OXR1: variants seen among roughly 807,000 people sequenced by gnomAD.
The protein encoded by OXR1 is oxidation resistance 1, also known as oxidation resistance protein 1.
In OXR1, 41 loss-of-function variants were observed where a neutral mutation model predicts 104.6. The ratio of observed to expected loss-of-function variants is 0.39; its 90% CI spans 0.31 to 0.51. The LOEUF is 0.51. Among genes scored for constraint, OXR1 ranks in the 20% least tolerant of loss-of-function variants. OXR1 has a pLI of 0.77. For synonymous variants in OXR1, 348 were observed against 348.4 expected (o/e 1.00, Z 0.01); for missense variants, 955 against 1,031.9 (o/e 0.93, Z 1.02).
At chr8:106,731,464 G>A (rs1333126479) in intron 11 of OXR1, among the ~76,000 whole-genome samples, 3 of 152,026 alleles carry the variant, frequency 2.0e-5, no homozygotes, top group African/African-American at 7.2e-5. Context: ...TGTACTTGTG[G>A]TATTTTATCT....
intron 3 of OXR1, among the ~76,000 whole-genome samples, chr8:106,525,180 C>T (rs1393951541): frequency 1.3e-5 from 2 of 152,224 alleles, no homozygotes; most frequent in Non-Finnish European, 2.9e-5. Context: ...AGGGAGTCTG[C>T]TCAGAATTCA....
At chr8:106,448,005 C>T in intron 2 of OXR1, 1 of 1,528,588 alleles carries the variant, frequency 6.5e-7, no homozygotes, top group Non-Finnish European at 8.7e-7. Flanking sequence ...ATAAGGTTGC[C>T]TGCCTGCCTG....
chr8:106,418,317 T>C (rs569946520), intron 2 of OXR1, among the ~76,000 whole-genome samples: 1 of 152,216 alleles, frequency 6.6e-6, no homozygotes, highest in South Asian at 2.1e-4. Flanking sequence ...CATTTGCAAG[T>C]ATACTAATAT....
At chr8:106,274,589 C>T (rs1183032633) in intron 1 of OXR1, among the ~76,000 whole-genome samples, 1 of 143,528 alleles carries the variant, frequency 7.0e-6, no homozygotes, top group East Asian at 2.2e-4. Context: ...TCTGGGGCAC[C>T]CAGCAACGCC....
At chr8:106,305,370 G>T (rs1359393951) in intron 1 of OXR1, among the ~76,000 whole-genome samples, 2 of 152,090 alleles carry the variant, frequency 1.3e-5, no homozygotes, top group Non-Finnish European at 2.9e-5. Flanking sequence ...CTTTACTTTG[G>T]AGAGTCAAAT....
intron 3 of OXR1, among the ~76,000 whole-genome samples, chr8:106,545,991 G>A (rs1243247956): frequency 2.9e-5 from 2 of 68,534 alleles, no homozygotes; most frequent in Non-Finnish European, 5.6e-5. Flanking sequence ...GTGAGATTCT[G>A]TCAAAAAAAA....
intron 3 of OXR1, among the ~76,000 whole-genome samples, chr8:106,671,962 GTATAA>G (rs1426228372): frequency 1.8e-5 from 2 of 109,236 alleles, no homozygotes; most frequent in Non-Finnish European, 3.7e-5. Flanking sequence ...AGAACTTAAA[GTATAA>G]TAATAATAAT....
At chr8:106,687,652 G>A (rs915583271) in intron 6 of OXR1, among the ~76,000 whole-genome samples, 3 of 151,820 alleles carry the variant, frequency 2.0e-5, no homozygotes, top group African/African-American at 7.3e-5. Context: ...CCCAGGAGTC[G>A]GGGGTTGCAG....
rs1480472598 is a variant in OXR1, at chr8:106,466,306, A to G, written c.24-52637A>G. Reference sequence around the variant, plus strand: ...ATTATAGAAGTAGGAAGGAAATATTAATATTATTGTTTTGAAATATGGATT... The same window carrying G: ...ATTATAGAAGTAGGAAGGAAATATTGATATTATTGTTTTGAAATATGGATT... On this transcript the variant is annotated intron_variant, in intron 2 of 16. Coordinates refer to ENST00000517566, the MANE Select transcript of OXR1 (RefSeq NM_001198533.2). Among the ~76,000 whole-genome samples, 3 of 151,920 alleles carry G rather than the reference A, an allele frequency of 2.0e-5. No homozygotes were observed. The East Asian group carries it at 5.8e-4, about 29-fold the overall frequency.
intron 2 of OXR1, among the ~76,000 whole-genome samples, chr8:106,374,004 G>A (rs368347897): frequency 3.9e-5 from 6 of 152,210 alleles, no homozygotes; most frequent in Admixed American, 2.0e-4. Flanking sequence ...TATATGATCC[G>A]TATTACAGAA....
chr8:106,589,539 A>G (rs1239260713), intron 3 of OXR1, among the ~76,000 whole-genome samples: 2 of 151,966 alleles, frequency 1.3e-5, no homozygotes, highest in Non-Finnish European at 2.9e-5. Context: ...CCAACAGTAA[A>G]CCCTAGGATA....
rs752450049 is a variant in OXR1, at chr8:106,740,423, G to A, written c.2244G>A (p.Leu748=). 8 of 1,613,108 alleles carry A rather than the reference G, an allele frequency of 5.0e-6. No homozygotes were observed. In the African/African-American group the frequency reaches 6.7e-5, roughly 13 times the overall value. Residue 748 remains leucine (L), a synonymous_variant, in exon 14 of 17, where the codon TTG becomes TTA. Coordinates refer to ENST00000517566, the MANE Select transcript of OXR1 (RefSeq NM_001198533.2). Reference sequence around the variant, plus strand: ...GTACTGGAAAACATGGCACAAGCTTGAAAACTCTTTATCGAACAATGACAG... The same window carrying A: ...GTACTGGAAAACATGGCACAAGCTTAAAAACTCTTTATCGAACAATGACAG... The part of the protein sequence containing the change: ...VYGTGKHGTS[L]KTLYRTMTGL...
At chr8:106,675,109 C>T (rs1184501608) in intron 3 of OXR1, among the ~76,000 whole-genome samples, 1 of 152,022 alleles carries the variant, frequency 6.6e-6, no homozygotes, top group East Asian at 1.9e-4. Context: ...GTTTAATTTT[C>T]CAGGAAGATA....
At chr8:106,666,341 A>G (rs960233281) in intron 3 of OXR1, among the ~76,000 whole-genome samples, 2 of 152,220 alleles carry the variant, frequency 1.3e-5, no homozygotes, top group Admixed American at 6.5e-5. Context: ...AAATATGGCT[A>G]TTGAGTATCT....
chr8:106,599,725 C>T (rs921585332), intron 3 of OXR1, among the ~76,000 whole-genome samples: 1 of 152,108 alleles, frequency 6.6e-6, no homozygotes, highest in Non-Finnish European at 1.5e-5. Context: ...ACTCTTTTAA[C>T]GTATTACCTT....
At chr8:106,351,114 AAG>A (rs796071618) in intron 1 of OXR1, among the ~76,000 whole-genome samples, 2 of 152,344 alleles carry the variant, frequency 1.3e-5, no homozygotes, top group African/African-American at 4.8e-5. Flanking sequence ...CTAAAAGGAA[AAG>A]AGAGACTGCT....
intron 11 of OXR1, among the ~76,000 whole-genome samples, chr8:106,721,577 G>A (rs967429138): frequency 2.6e-5 from 4 of 152,106 alleles, no homozygotes; most frequent in Non-Finnish European, 1.5e-5. Context: ...ATTCTGTACA[G>A]TTTTGGGGTT....
At chr8:106,605,537 G>A (rs975602004) in intron 3 of OXR1, among the ~76,000 whole-genome samples, 4 of 151,478 alleles carry the variant, frequency 2.6e-5, no homozygotes, top group East Asian at 2.0e-4. Context: ...GCTCACACCT[G>A]TAATTCCAGC....
chr8:106,643,342 A>T (rs1823817436), intron 3 of OXR1, among the ~76,000 whole-genome samples: 1 of 152,178 alleles, frequency 6.6e-6, no homozygotes, highest in African/African-American at 2.4e-5. Flanking sequence ...AATTTATAAA[A>T]ACAGATGGCC....
Sources: allele counts gnomAD v4.1 joint callset (sites outside exome capture counted in the v4.1 genomes callset), GRCh38; gene constraint gnomAD v4.1.1; transcripts MANE v1.5; gene names NCBI Gene and HGNC (gene_info 2026-07-23, HGNC 2026-07-21).